PTGER4: variants seen among roughly 807,000 people sequenced by gnomAD.
PTGER4 encodes the protein prostaglandin E2 receptor EP4 subtype.
A neutral mutation model predicts 33.2 loss-of-function variants in PTGER4; 11 were observed. The observed-to-expected ratio is 0.33, with a 90% CI of 0.21 to 0.55. PTGER4 has a LOEUF of 0.55. PTGER4 is among the 20% of genes least tolerant of loss of function. PTGER4 has a pLI of 0.92. For synonymous variants in PTGER4, 275 were observed against 281.5 expected, an observed-to-expected ratio of 0.98 and a Z score of 0.23; for missense variants, 481 against 650.2, an observed-to-expected ratio of 0.74 and a Z score of 2.83.
chr5:40,724,209 T>G, the PTGER4 span, among the ~76,000 whole-genome samples: 19 of 152,164 alleles, frequency 1.2e-4, no homozygotes, highest in South Asian at 2.1e-4. Context: ...AGAAGCAAAT[T>G]CTACAATACA....
At chr5:40,734,143 A>G in the PTGER4 span, among the ~76,000 whole-genome samples, 5 of 152,174 alleles carry the variant, frequency 3.3e-5, no homozygotes, top group Non-Finnish European at 7.3e-5. Context: ...ACTATCATCA[A>G]CTTATTCAAT....
the PTGER4 span, among the ~76,000 whole-genome samples, chr5:40,719,268 G>T: frequency 6.6e-6 from 1 of 152,098 alleles, no homozygotes. Flanking sequence ...ACTTGCTATT[G>T]CTATATATCT....
At chr5:40,695,052 T>C (rs555527023), downstream of PTGER4, among the ~76,000 whole-genome samples, 1 of 152,170 alleles carries the variant, frequency 6.6e-6, no homozygotes, top group South Asian at 2.1e-4. Flanking sequence ...CATATTGTAA[T>C]CTTTGAGACA....
chr5:40,686,474 G>C (rs1303805905), intron 2 of PTGER4, among the ~76,000 whole-genome samples: 1 of 152,184 alleles, frequency 6.6e-6, no homozygotes, highest in East Asian at 1.9e-4. Context: ...AAAAAGTAAT[G>C]AGAGCCAACA....
chr5:40,698,390 C>A (rs1405333988), downstream of PTGER4, among the ~76,000 whole-genome samples: 1 of 151,964 alleles, frequency 6.6e-6, no homozygotes, highest in African/African-American at 2.4e-5. Flanking sequence ...ATACAAGAGA[C>A]CTAAGTTATA....
the PTGER4 span, among the ~76,000 whole-genome samples, chr5:40,733,087 T>C: frequency 1.3e-5 from 2 of 152,124 alleles, no homozygotes; most frequent in Non-Finnish European, 2.9e-5. Context: ...AAAATGTAAA[T>C]TCTTACTTTG....
the PTGER4 span, among the ~76,000 whole-genome samples, chr5:40,731,129 T>C: frequency 6.6e-6 from 1 of 152,186 alleles, no homozygotes; most frequent in South Asian, 2.1e-4. Flanking sequence ...AATTTATTGA[T>C]GTATTCCTTC....
At chr5:40,697,263 AAAGAAAG>A (rs780584544), downstream of PTGER4, among the ~76,000 whole-genome samples, 125 of 126,402 alleles carry the variant, frequency 9.9e-4, no homozygotes, top group Non-Finnish European at 2.0e-3. Flanking sequence ...AGAAAGAAAG[AAAGAAAG>A]AAAGAAAGAA....
At chr5:40,724,915 C>T in the PTGER4 span, among the ~76,000 whole-genome samples, 4 of 147,282 alleles carry the variant, frequency 2.7e-5, no homozygotes, top group African/African-American at 5.0e-5. Flanking sequence ...TGCAGTGGTG[C>T]GATCTCAGCT....
rs774439782 is a variant in PTGER4 at position 40,681,560 on chromosome 5, G to A, written c.567G>A (p.Ala189=). Residue 189 remains alanine, a synonymous_variant, in exon 2 of 3, where the codon GCG becomes GCA. Coordinates refer to ENST00000302472, the MANE Select transcript of PTGER4 (RefSeq NM_000958.3). The surrounding 1 kb of genome is among the most constrained non-coding windows in gnomAD (Gnocchi z 9.8). ...TAHAAYSYMY[A]GFSSFLILAT... ...ACGCCGCCTACTCCTACATGTACGC[G>A]GGCTTCAGCTCCTTCCTCATTCTCG... 5 of 1,611,614 alleles carry A rather than the reference G, an allele frequency of 3.1e-6. 1 individual carries two copies. In the South Asian group the frequency reaches 5.5e-5, roughly 18 times the overall value.
chr5:40,697,008 GAGAGAAAGAA>G (rs1267786838), downstream of PTGER4, among the ~76,000 whole-genome samples: 2 of 141,036 alleles, frequency 1.4e-5, no homozygotes, highest in Non-Finnish European at 3.1e-5. Flanking sequence ...GGGAAAGAAA[GAGAGAAAGAA>G]AGAGAAAACA....
Position 40,692,311 on chromosome 5 carries a change from C to T in PTGER4, c.1400C>T (p.Pro467Leu), listed in dbSNP as rs751816759. The T allele has an allele frequency of 1.2e-6, 2 of 1,613,092 alleles. No homozygotes were observed. The highest frequency in any genetic ancestry group is 2.2e-5 in the East Asian group (1 of 44,876). ...GGGAGCGGCAGGGCTGGGCCTGCCC[C>T]TAAGGGGAGCTCCCTGCAAGTCACA... The part of the protein sequence containing the change: ...AGGSGRAGPA[P>L]KGSSLQVTFP... Residue 467 changes from proline to leucine, a missense_variant, in exon 3 of 3, where the codon CCT becomes CTT. This residue lies in a region of PTGER4 where 172 missense variants were observed against 199.2 expected (regional missense o/e 0.86). Transcript: ENST00000302472.
At chr5:40,709,587 T>G in the PTGER4 span, among the ~76,000 whole-genome samples, 1 of 152,038 alleles carries the variant, frequency 6.6e-6, no homozygotes, top group Non-Finnish European at 1.5e-5. Context: ...AGAATCAATA[T>G]CATGAAAATG....
the PTGER4 span, among the ~76,000 whole-genome samples, chr5:40,746,383 A>AT: frequency 2.6e-4 from 39 of 151,338 alleles, no homozygotes; most frequent in East Asian, 2.7e-3. Flanking sequence ...CTAAATACCT[A>AT]TTTTTTTTTA....
the PTGER4 span, among the ~76,000 whole-genome samples, chr5:40,706,344 G>T: frequency 2.0e-5 from 3 of 152,006 alleles, no homozygotes; most frequent in Admixed American, 1.3e-4. Context: ...AGGGTGGCAG[G>T]GGGGAGAAGA....
At chr5:40,732,756 A>G in the PTGER4 span, among the ~76,000 whole-genome samples, 1 of 152,072 alleles carries the variant, frequency 6.6e-6, no homozygotes, top group Middle Eastern at 3.2e-3. Flanking sequence ...CTACAGGCAC[A>G]TGCCACCACA....
At chr5:40,730,180 C>T in the PTGER4 span, 3 of 1,018,812 alleles carry the variant, frequency 2.9e-6, no homozygotes, top group South Asian at 1.6e-5. Flanking sequence ...GGAGAAAATG[C>T]TATTTTGCTT....
chr5:40,697,082 G>A (rs9763871), downstream of PTGER4, among the ~76,000 whole-genome samples: 3 of 65,014 alleles, frequency 4.6e-5, no homozygotes, highest in Non-Finnish European at 8.6e-5. Flanking sequence ...AGGAAGGAAG[G>A]AAGGAAAGAA....
the PTGER4 span, among the ~76,000 whole-genome samples, chr5:40,700,846 G>C: frequency 6.6e-6 from 1 of 152,104 alleles, no homozygotes; most frequent in African/African-American, 2.4e-5. Flanking sequence ...CCACACAACT[G>C]AGCAAGAATC....
Sources: gnomAD v4.1 joint callset for allele counts (sites outside exome capture counted in the v4.1 genomes callset) on GRCh38, gnomAD v4.1.1 for gene constraint, gnomAD v4.1.1 regional missense constraint, Gnocchi (gnomAD v3.1) non-coding constraint, MANE v1.5 for transcripts, NCBI Gene and HGNC (gene_info 2026-07-23, HGNC 2026-07-21) for gene names.